The following SH3GL3 variants were observed in gnomAD, a reference collection of about 807,000 sequenced individuals.
The protein encoded by SH3GL3 is SH3 domain containing GRB2 like 3, endophilin A3, also known as endophilin-A3.
A neutral mutation model predicts 47.7 loss-of-function variants in SH3GL3; 33 were observed. The ratio of observed to expected loss-of-function variants is 0.69; its 90% CI spans 0.52 to 0.92. The LOEUF is 0.92. SH3GL3 is among the 40% of genes least tolerant of loss of function. The pLI is 0.00. For synonymous variants in SH3GL3, 155 were observed against 148.8 expected (o/e 1.04, Z -0.30); for missense variants, 363 against 417.8 (o/e 0.87, Z 1.14).
chr15:83,484,401 A>G (rs1363392816), intron 1 of SH3GL3, among the ~76,000 whole-genome samples: 1 of 152,062 alleles, frequency 6.6e-6, no homozygotes, highest in Non-Finnish European at 1.5e-5. Context: ...TTATCATTAC[A>G]TTTACTTTTA....
In SH3GL3 at chr15:83,464,195, T is replaced by G. The variant is rs1239342396; in HGVS notation, c.45+16617T>G. On this transcript the variant is annotated intron_variant, in intron 1 of 8. Coordinates refer to ENST00000427482, the MANE Select transcript of SH3GL3 (RefSeq NM_003027.5). ...CTCATGGTCACTTCTCCATCTGAGC[T>G]CTCAACAGCATTTGACCCAGTGGAC... Among the ~76,000 whole-genome samples, 4 of 152,208 alleles carry G rather than the reference T, an allele frequency of 2.6e-5. No homozygotes were observed. The East Asian group carries it at 7.7e-4, about 29-fold the overall frequency.
chr15:83,626,405 A>T, the SH3GL3 span, among the ~76,000 whole-genome samples: 1,205 of 152,298 alleles, frequency 7.9e-3, 18 homozygotes, highest in African/African-American at 0.027. Context: ...AGTGATAAAG[A>T]TTCTGCTCTG....
In SH3GL3 at chr15:83,572,713, G is replaced by GTTTA. The variant is rs766685265; in HGVS notation, c.465+16_465+17insTTAT. 6.4e-7 allele frequency: 1 copy of GTTTA among 1,566,228 alleles called. No individual in the cohort carries two copies. The highest frequency in any genetic ancestry group is 1.7e-5 in the Admixed American group (1 of 58,494). On this transcript the variant is annotated intron_variant, in intron 5 of 8. Transcript: ENST00000427482. ...AAGAGATCGGGGTAAGTCTTCCAGG[G>GTTTA]TATAAATATACCTGTTGCTACATAA...
chr15:83,478,177 AT>A (rs1730656475), intron 1 of SH3GL3, among the ~76,000 whole-genome samples: 1 of 152,196 alleles, frequency 6.6e-6, no homozygotes, highest in Admixed American at 6.5e-5. Flanking sequence ...CTTGCAGATC[AT>A]TGCAGGGGCT....
At chr15:83,475,652 G>C (rs903704485) in intron 1 of SH3GL3, among the ~76,000 whole-genome samples, 3 of 152,058 alleles carry the variant, frequency 2.0e-5, no homozygotes, top group African/African-American at 7.2e-5. Flanking sequence ...AATTATTTTG[G>C]TTACTTCCTG....
intron 8 of SH3GL3, among the ~76,000 whole-genome samples, chr15:83,613,072 A>G (rs2060714026): frequency 6.6e-6 from 1 of 152,238 alleles, no homozygotes; most frequent in Non-Finnish European, 1.5e-5. Context: ...GGCAACAGAA[A>G]TGACCCAGAA....
In SH3GL3 at chr15:83,538,052, T is replaced by C. The variant is rs570612579; in HGVS notation, c.46-21201T>C. ...TAATTAATTTTTTATCGTGCTGCTA[T>C]AATGATTAAATTTTGAAGTAGCATT... On this transcript the variant is annotated intron_variant, in intron 1 of 8. Transcript: ENST00000427482. Among the ~76,000 whole-genome samples the C allele has an allele frequency of 2.0e-5, 3 of 152,308 alleles. No homozygotes were observed. The South Asian group carries it at 6.2e-4, about 32-fold the overall frequency.
intron 1 of SH3GL3, chr15:83,490,901 A>C (rs749965186): frequency 6.2e-7 from 1 of 1,614,016 alleles, no homozygotes; most frequent in African/African-American, 1.3e-5. Context: ...ACCTCCCAAC[A>C]GGTAATAAAT....
chr15:83,612,835 C>G (rs975990284), intron 8 of SH3GL3, among the ~76,000 whole-genome samples: 2 of 152,164 alleles, frequency 1.3e-5, no homozygotes, highest in Admixed American at 1.3e-4. Flanking sequence ...AGCTCTAGTT[C>G]TTGGAACCCA....
intron 8 of SH3GL3, among the ~76,000 whole-genome samples, chr15:83,603,884 C>A (rs541732064): frequency 6.6e-6 from 1 of 152,310 alleles, no homozygotes; most frequent in Non-Finnish European, 1.5e-5. Flanking sequence ...CCTGTAATCC[C>A]AGCACTTTGG....
chr15:83,503,866 G>T (rs1393131572), intron 1 of SH3GL3, among the ~76,000 whole-genome samples: 1 of 152,200 alleles, frequency 6.6e-6, no homozygotes, highest in Non-Finnish European at 1.5e-5. Context: ...CCCTCAAATA[G>T]TGTAAGAAAA....
intron 1 of SH3GL3, among the ~76,000 whole-genome samples, chr15:83,521,871 C>A (rs928758017): frequency 6.6e-6 from 1 of 152,096 alleles, no homozygotes; most frequent in African/African-American, 2.4e-5. Context: ...TGATTAATTT[C>A]CAAAATCAAG....
At chr15:83,526,230 G>T (rs2043414989) in intron 1 of SH3GL3, among the ~76,000 whole-genome samples, 2 of 152,166 alleles carry the variant, frequency 1.3e-5, no homozygotes, top group Admixed American at 1.3e-4. Flanking sequence ...GGTGGAATTA[G>T]TTCAATCATT....
chr15:83,553,419 A>G (rs1046274613), intron 1 of SH3GL3, among the ~76,000 whole-genome samples: 1 of 152,166 alleles, frequency 6.6e-6, no homozygotes, highest in Non-Finnish European at 1.5e-5. Flanking sequence ...ATCCAATTAT[A>G]TAGATGATCA....
intron 1 of SH3GL3, chr15:83,490,680 C>T: frequency 8.0e-7 from 1 of 1,255,248 alleles, no homozygotes. Flanking sequence ...AGCACCTGCA[C>T]ATCAGGGAAA....
At chr15:83,570,897 G>A (rs938422421) in intron 4 of SH3GL3, among the ~76,000 whole-genome samples, 1 of 152,218 alleles carries the variant, frequency 6.6e-6, no homozygotes, top group Admixed American at 6.5e-5. Context: ...AGGTGAAACT[G>A]CCAGGCAGGC....
intron 1 of SH3GL3, among the ~76,000 whole-genome samples, chr15:83,517,036 C>T (rs2043005738): frequency 6.6e-6 from 1 of 151,718 alleles, no homozygotes; most frequent in South Asian, 2.1e-4. Context: ...CTTCTGGGGT[C>T]TTTTCAGTTT....
chr15:83,460,795 G>A (rs1419016571), intron 1 of SH3GL3, among the ~76,000 whole-genome samples: 5 of 151,990 alleles, frequency 3.3e-5, no homozygotes, highest in African/African-American at 4.8e-5. Context: ...CTTAAAATAC[G>A]GTACACAGGC....
chr15:83,618,506 A>G lies in SH3GL3; in HGVS notation c.*219A>G, dbSNP rs1237576865. 7 of 517,988 alleles carry G rather than the reference A, an allele frequency of 1.4e-5. No homozygotes were observed. Among genetic ancestry groups the G allele is most frequent in the East Asian group, 3.2e-5 (1 of 31,090 alleles). The allele number at this position is 517,988 out of a possible 1,614,324, so 32.1% of individuals were successfully genotyped here. A position where few individuals can be genotyped will look rare whatever the true frequency, so the allele number is the denominator to read the frequency against. Reference sequence around the variant, plus strand: ...TATTTTCTTTTTTGCTTCCTGTCCTAAAAGTCATTGGTTAAATGTATTTGC... The same window carrying G: ...TATTTTCTTTTTTGCTTCCTGTCCTGAAAGTCATTGGTTAAATGTATTTGC... On this transcript the variant is annotated 3_prime_UTR_variant, in exon 9 of 9. Coordinates refer to ENST00000427482, the MANE Select transcript of SH3GL3 (RefSeq NM_003027.5).
Sources: allele counts gnomAD v4.1 joint callset (sites outside exome capture counted in the v4.1 genomes callset), GRCh38; gene constraint gnomAD v4.1.1; transcripts MANE v1.5; gene names NCBI Gene and HGNC (gene_info 2026-07-23, HGNC 2026-07-21).